Variants in TAAR6 observed in about 807,000 individuals in gnomAD.
The protein encoded by TAAR6 is trace amine-associated receptor 6.
In TAAR6, 15 loss-of-function variants were observed where a neutral mutation model predicts 18.4. That is an observed-to-expected ratio of 0.82 (90% CI 0.55 to 1.26). The LOEUF (loss-of-function observed/expected upper bound fraction) is 1.26. Ranked by LOEUF, TAAR6 falls within the 50% of genes most tolerant of loss-of-function variation. The probability of loss-of-function intolerance (pLI) is 0.00; values close to 1 mark genes in which losing one functional copy is unlikely to be tolerated. For synonymous variants in TAAR6, 192 were observed against 162.4 expected, an observed-to-expected ratio of 1.18 and a Z score of -1.39; for missense variants, 501 against 415.9, an observed-to-expected ratio of 1.20 and a Z score of -1.78.
chr6:132,571,279 A>C lies in TAAR6; in HGVS notation c.958A>C (p.Lys320Gln). The change falls in exon 1 of 1, where the codon AAA becomes CAA. Residue 320 changes from lysine to glutamine, a missense_variant. By Grantham distance (53) the Lys-to-Gln change is moderately conservative. Coordinates refer to ENST00000275198, the MANE Select transcript of TAAR6 (RefSeq NM_175067.1). ...IYALFYPWFR[K>Q]AIKVIVTGQV... ...TGCTTTATTTTACCCATGGTTTAGG[A>C]AAGCAATAAAAGTTATTGTAACTGG... is the stretch of plus-strand genomic sequence containing the variant. 6.2e-7 allele frequency: 1 copy of C among 1,614,038 alleles called. No individual in the cohort carries two copies. Among genetic ancestry groups the C allele is most frequent in the South Asian group, 1.1e-5 (1 of 91,070 alleles).
At position 132,571,073 on chromosome 6, in the gene TAAR6, G is replaced by A. The variant is rs1186230038; in HGVS notation, c.752G>A (p.Arg251Lys). The A allele has an allele frequency of 1.9e-6, 3 of 1,614,080 alleles. No homozygotes were observed. In the East Asian group the frequency reaches 6.7e-5, roughly 36 times the overall value. The change falls in exon 1 of 1, where the codon AGG becomes AAG. Residue 251 changes from arginine (R) to lysine (K), a missense_variant. By Grantham distance (26) the Arg-to-Lys change is conservative. Coordinates refer to ENST00000275198, the MANE Select transcript of TAAR6 (RefSeq NM_175067.1). ...GAGAGTTACAAAGCCAGAGTGGCCA[G>A]GAGAGAGAGAAAAGCAGCTAAAACC... ...SSESYKARVA[R>K]RERKAAKTLG...
chr6:132,571,068 G>A lies in TAAR6; in HGVS notation c.747G>A (p.Val249=), dbSNP rs200486619. The A allele has an allele frequency of 8.1e-5, 131 of 1,613,974 alleles. No individual in the cohort carries two copies. The highest frequency in any genetic ancestry group is 1.1e-4 in the Non-Finnish European group (125 of 1,180,004). Residue 249 remains valine, a synonymous_variant, in exon 1 of 1, where the codon GTG becomes GTA. Coordinates refer to ENST00000275198, the MANE Select transcript of TAAR6 (RefSeq NM_175067.1). ...ESSSESYKAR[V]ARRERKAAKT... ...CCTCAGAGAGTTACAAAGCCAGAGTGGCCAGGAGAGAGAGAAAAGCAGCTA... is the reference window on the plus strand; with the variant it reads ...CCTCAGAGAGTTACAAAGCCAGAGTAGCCAGGAGAGAGAGAAAAGCAGCTA...
At position 132,570,629 on chromosome 6, in the gene TAAR6, G is replaced by GT. The variant is rs1562180780; in HGVS notation, c.313dup (p.Cys105LeufsTer8). On this transcript the variant is annotated frameshift_variant, in exon 1 of 1. Transcript: ENST00000275198. LOFTEE classifies it high-confidence loss of function. ...GAGAGCTGCTGGTATTTTGGGAGGA[G>GT]TTTTTGTACTTTCCACACCTGCTGT... is the stretch of plus-strand genomic sequence containing the variant. The GT allele has an allele frequency of 1.9e-6, 3 of 1,614,126 alleles. No homozygotes were observed. The Admixed American group carries it at 5.0e-5, about 27-fold the overall frequency.
In TAAR6 at chr6:132,570,446, G is replaced by A; in HGVS notation, c.125G>A (p.Gly42Glu). 1 of 1,613,984 alleles carries A rather than the reference G, an allele frequency of 6.2e-7. No individual in the cohort carries two copies. Among genetic ancestry groups the A allele is most frequent in the East Asian group, 2.2e-5 (1 of 44,872 alleles). Reference sequence around the variant, plus strand: ...ATTCTGTACATAGTGTTTGGCTTTGGGGCTGTGCTGGCTGTGTTTGGAAAC... The same window carrying A: ...ATTCTGTACATAGTGTTTGGCTTTGAGGCTGTGCTGGCTGTGTTTGGAAAC... ...RVILYIVFGF[G>E]AVLAVFGNLL... The change falls in exon 1 of 1, where the codon GGG (glycine) becomes GAG (glutamate). Residue 42 changes from glycine (G) to glutamate (E), a missense_variant. Transcript: ENST00000275198.
rs147336892 is a variant in TAAR6, at chr6:132,570,373, G to A, written c.52G>A (p.Val18Met). 2.4e-5 allele frequency: 39 copies of A among 1,613,872 alleles called. No homozygotes were observed. The highest frequency in any genetic ancestry group is 3.3e-5 in the Non-Finnish European group (39 of 1,179,930). ...GGCTGTGCAGCTGTGCTACGCGAAC[G>A]TGAATGGGTCCTGTGTGAAAATCCC... ...LVAVQLCYAN[V>M]NGSCVKIPFS... Residue 18 changes from valine (V) to methionine (M), a missense_variant, in exon 1 of 1, where the codon GTG (valine) becomes ATG (methionine). Val to Met is a conservative substitution (Grantham distance 21, BLOSUM62 1). Transcript: ENST00000275198.
chr6:132,570,912 C>A lies in TAAR6; in HGVS notation c.591C>A (p.Asn197Lys). The A allele has an allele frequency of 6.2e-7, 1 of 1,614,126 alleles. No homozygotes were observed. The highest frequency in any genetic ancestry group is 8.5e-7 in the Non-Finnish European group (1 of 1,180,000). The change falls in exon 1 of 1, where the codon AAC becomes AAA. Residue 197 changes from asparagine to lysine, a missense_variant. Coordinates refer to ENST00000275198, the MANE Select transcript of TAAR6 (RefSeq NM_175067.1). ...IGGCQTVVNQ[N>K]WVLTDFLSFF... ...GTTGTCAGACCGTTGTAAATCAAAA[C>A]TGGGTGTTGACAGATTTTCTATCCT...
In TAAR6 at chr6:132,571,168, T is replaced by C. The variant is rs756394131; in HGVS notation, c.847T>C (p.Phe283Leu). 1 of 1,613,970 alleles carries C rather than the reference T, an allele frequency of 6.2e-7. No homozygotes were observed. Among genetic ancestry groups the C allele is most frequent in the Non-Finnish European group, 8.5e-7 (1 of 1,179,982 alleles). ...TAGCATTGATTCATTAATTGATGCC[T>C]TTATGGGCTTTATAACCCCTGCCTG... ...PYSIDSLIDA[F>L]MGFITPACIY... Residue 283 changes from phenylalanine to leucine, a missense_variant, in exon 1 of 1, where the codon TTT (phenylalanine) becomes CTT (leucine). Transcript: ENST00000275198.
In TAAR6 at chr6:132,571,124, T is replaced by A. The variant is rs373103932; in HGVS notation, c.803T>A (p.Met268Lys). The part of the protein sequence containing the change: ...KTLGVTVVAF[M>K]ISWLPYSIDS... The stretch of plus-strand genomic sequence containing the variant: ...CTGGGGGTCACAGTGGTAGCATTTA[T>A]GATTTCATGGTTACCATATAGCATT... Residue 268 changes from methionine (M) to lysine (K), a missense_variant, in exon 1 of 1, where the codon ATG becomes AAG. Met to Lys is a moderately conservative substitution (Grantham distance 95, BLOSUM62 -1). Coordinates refer to ENST00000275198, the MANE Select transcript of TAAR6 (RefSeq NM_175067.1). The A allele has an allele frequency of 1.2e-6, 2 of 1,613,978 alleles. No homozygotes were observed. The highest frequency in any genetic ancestry group is 1.7e-5 in the Admixed American group (1 of 59,998).
rs745622131 is a variant in TAAR6, at chr6:132,570,466, G to C, written c.145G>C (p.Gly49Arg). 1.9e-6 allele frequency: 3 copies of C among 1,613,792 alleles called. No individual in the cohort carries two copies. Among genetic ancestry groups the C allele is most frequent in the Non-Finnish European group, 2.5e-6 (3 of 1,179,970 alleles). Reference protein sequence around the residue: ...FGFGAVLAVFGNLLVMISILH... With the variant: ...FGFGAVLAVFRNLLVMISILH... ...CTTTGGGGCTGTGCTGGCTGTGTTT[G>C]GAAACCTCCTGGTGATGATTTCAAT... The change falls in exon 1 of 1, where the codon GGA becomes CGA. Residue 49 changes from glycine (G) to arginine (R), a missense_variant. Physicochemically the swap from Gly to Arg is moderately radical, Grantham distance 125. Transcript: ENST00000275198.
Position 132,570,896 on chromosome 6 carries a change from C to A in TAAR6, c.575C>A (p.Thr192Asn). 2 of 1,614,112 alleles carry A rather than the reference C, an allele frequency of 1.2e-6. No individual in the cohort carries two copies. Among genetic ancestry groups the A allele is most frequent in the East Asian group, 2.2e-5 (1 of 44,880 alleles). Residue 192 changes from threonine (T) to asparagine (N), a missense_variant, in exon 1 of 1, where the codon ACC becomes AAC. By Grantham distance (65) the Thr-to-Asn change is moderately conservative. Transcript: ENST00000275198. Reference protein sequence around the residue: ...DALNCIGGCQTVVNQNWVLTD... With the variant: ...DALNCIGGCQNVVNQNWVLTD... ...CTAAACTGTATAGGAGGTTGTCAGA[C>A]CGTTGTAAATCAAAACTGGGTGTTG...
rs1776634404 is a variant in TAAR6, at chr6:132,570,859, T to C, written c.538T>C (p.Leu180=). 6.2e-7 allele frequency: 1 copy of C among 1,614,166 alleles called. No homozygotes were observed. Among genetic ancestry groups the C allele is most frequent in the Non-Finnish European group, 8.5e-7 (1 of 1,180,014 alleles). ...TGVYDDGLEE[L]SDALNCIGGC... Reference sequence around the variant, plus strand: ...TGTCTATGACGATGGGCTGGAGGAATTATCTGATGCCCTAAACTGTATAGG... The same window carrying C: ...TGTCTATGACGATGGGCTGGAGGAACTATCTGATGCCCTAAACTGTATAGG... The change falls in exon 1 of 1, where the codon TTA becomes CTA. Residue 180 remains leucine, a synonymous_variant. Transcript: ENST00000275198.
rs41298393 is a variant in TAAR6, at chr6:132,570,536, C to T, written c.215C>T (p.Ala72Val). ...CACTCTCCGACCAATTTTCTCGTTGCCTCTCTGGCCTGCGCTGATTTCTTG... is the reference window on the plus strand; with the variant it reads ...CACTCTCCGACCAATTTTCTCGTTGTCTCTCTGGCCTGCGCTGATTTCTTG... ...QLHSPTNFLV[A>V]SLACADFLVG... Residue 72 changes from alanine to valine, a missense_variant, in exon 1 of 1, where the codon GCC (alanine) becomes GTC (valine). Coordinates refer to ENST00000275198, the MANE Select transcript of TAAR6 (RefSeq NM_175067.1). 6.1e-3 allele frequency: 9,917 copies of T among 1,613,966 alleles called. 46 individuals are homozygous for T. Among genetic ancestry groups the T allele is most frequent in the Non-Finnish European group, 7.1e-3 (8,345 of 1,179,988 alleles).
Position 132,571,034 on chromosome 6 carries a change from C to A in TAAR6, c.713C>A (p.Thr238Lys). The stretch of plus-strand genomic sequence containing the variant: ...AAGATAGAAAATACTGGTAGCAAGA[C>A]AGAATCATCCTCAGAGAGTTACAAA... ...AKKIENTGSK[T>K]ESSSESYKAR... Residue 238 changes from threonine to lysine, a missense_variant, in exon 1 of 1, where the codon ACA becomes AAA. Transcript: ENST00000275198. 6.2e-7 allele frequency: 1 copy of A among 1,614,072 alleles called. No homozygotes were observed. Among genetic ancestry groups the A allele is most frequent in the East Asian group, 2.2e-5 (1 of 44,836 alleles).
rs1418967690 is a variant in TAAR6, at chr6:132,570,336, A to C, written c.15A>C (p.Ser5=). 1 of 1,608,646 alleles carries C rather than the reference A, an allele frequency of 6.2e-7. No individual in the cohort carries two copies. The highest frequency in any genetic ancestry group is 2.2e-5 in the East Asian group (1 of 44,730). ...ATAACAGCGTTATGAGCAGCAATTC[A>C]TCCCTGCTGGTGGCTGTGCAGCTGT... MSSN[S]SLLVAVQLCY... Residue 5 remains serine, a synonymous_variant, in exon 1 of 1, where the codon TCA becomes TCC. Transcript: ENST00000275198.
In TAAR6 at chr6:132,571,331, C is replaced by A. The variant is rs145453705; in HGVS notation, c.1010C>A (p.Thr337Asn). 3 of 1,611,080 alleles carry A rather than the reference C, an allele frequency of 1.9e-6. No individual in the cohort carries two copies. The highest frequency in any genetic ancestry group is 1.7e-5 in the Admixed American group (1 of 59,440). Residue 337 changes from threonine to asparagine, a missense_variant, in exon 1 of 1, where the codon ACC becomes AAC. Physicochemically the swap from Thr to Asn is moderately conservative, Grantham distance 65 (BLOSUM62 0). Transcript: ENST00000275198. Reference protein sequence around the residue: ...TGQVLKNSSATMNLFSEHI With the variant: ...TGQVLKNSSANMNLFSEHI ...CAGGTTTTAAAGAACAGTTCAGCAA[C>A]CATGAATTTGTTTTCTGAACATATA...
Position 132,570,996 on chromosome 6 carries a change from A to G in TAAR6, c.675A>G (p.Arg225=), listed in dbSNP as rs1232855444. ...ILYGNIFLVA[R]RQAKKIENTG... is the part of the protein sequence containing the mutation. ...ATGGTAACATATTTCTTGTGGCTAG[A>G]CGACAGGCGAAAAAGATAGAAAATA... The change falls in exon 1 of 1, where the codon AGA becomes AGG. Residue 225 remains arginine, a synonymous_variant. Transcript: ENST00000275198. The G allele has an allele frequency of 3.7e-6, 6 of 1,613,936 alleles. No homozygotes were observed. Among genetic ancestry groups the G allele is most frequent in the Middle Eastern group, 1.6e-4 (1 of 6,080 alleles).
chr6:132,571,221 T>G lies in TAAR6; in HGVS notation c.900T>G (p.Ala300=), dbSNP rs1776641835. Residue 300 remains alanine, a synonymous_variant, in exon 1 of 1, where the codon GCT becomes GCG. Transcript: ENST00000275198. ...TTTATGAGATTTGCTGTTGGTGTGC[T>G]TATTATAACTCAGCCATGAATCCTT... ...ACIYEICCWC[A]YYNSAMNPLI... The G allele has an allele frequency of 6.2e-7, 1 of 1,614,046 alleles. No individual in the cohort carries two copies. The highest frequency in any genetic ancestry group is 8.5e-7 in the Non-Finnish European group (1 of 1,179,996).
rs1026411147 is a variant in TAAR6, at chr6:132,571,185, C to A, written c.864C>A (p.Thr288=). ...SLIDAFMGFI[T]PACIYEICCW... is the part of the protein sequence containing the mutation. The stretch of plus-strand genomic sequence containing the variant: ...TTGATGCCTTTATGGGCTTTATAAC[C>A]CCTGCCTGTATTTATGAGATTTGCT... Residue 288 remains threonine, a synonymous_variant, in exon 1 of 1, where the codon ACC becomes ACA. Transcript: ENST00000275198. 6 of 1,613,920 alleles carry A rather than the reference C, an allele frequency of 3.7e-6. No individual in the cohort carries two copies. Among genetic ancestry groups the A allele is most frequent in the Non-Finnish European group, 5.1e-6 (6 of 1,179,938 alleles).
In TAAR6 at chr6:132,570,953, T is replaced by C; in HGVS notation, c.632T>C (p.Phe211Ser). ...TDFLSFFIPT[F>S]IMIILYGNIF... ...TTTCTATCCTTCTTTATACCTACCT[T>C]TATTATGATAATTCTGTATGGTAAC... The change falls in exon 1 of 1, where the codon TTT (phenylalanine) becomes TCT (serine). Residue 211 changes from phenylalanine (F) to serine (S), a missense_variant. Transcript: ENST00000275198. The C allele has an allele frequency of 8.1e-6, 13 of 1,614,096 alleles. No homozygotes were observed. The highest frequency in any genetic ancestry group is 1.1e-5 in the Non-Finnish European group (13 of 1,179,994).
Sources: allele counts gnomAD v4.1 joint callset, GRCh38; gene constraint gnomAD v4.1.1; transcripts MANE v1.5; gene names NCBI Gene and HGNC (gene_info 2026-07-23, HGNC 2026-07-21).